The following POTEF variants were observed in gnomAD, a reference collection of about 807,000 sequenced individuals.
POTEF encodes the protein ANKRD26-like family C member 1B.
A neutral mutation model predicts 83.2 loss-of-function variants in POTEF; 20 were observed. The observed-to-expected ratio is 0.24, with a 90% CI of 0.17 to 0.35. The LOEUF is 0.35. POTEF is among the 10% of genes least tolerant of loss of function. POTEF has a pLI of 1.00. For synonymous variants in POTEF, 196 were observed against 446.4 expected, an observed-to-expected ratio of 0.44 and a Z score of 7.07; for missense variants, 550 against 1,203.2, an observed-to-expected ratio of 0.46 and a Z score of 8.03.
chr2:130,086,342 CCTCT>C lies in POTEF; in HGVS notation c.1593_1596del (p.Arg531SerfsTer2). On this transcript the variant is annotated frameshift_variant and splice_region_variant, in exon 14 of 17. Coordinates refer to ENST00000409914, the MANE Select transcript of POTEF (RefSeq NM_001099771.2). LOFTEE classifies it high-confidence loss of function. Reference sequence around the variant, plus strand: ...ACAAACGTTTGAATATAAAGGTATACCTCTCTATCACCATCCTTATTTATTTCTG... The same window carrying C: ...ACAAACGTTTGAATATAAAGGTATACCTATCACCATCCTTATTTATTTCTG... The C allele has an allele frequency of 6.4e-7, 1 of 1,564,150 alleles. No individual in the cohort carries two copies.
Position 130,108,183 on chromosome 2 carries a change from A to T in POTEF, c.1056-104T>A, listed in dbSNP as rs2599861. 102 of 1,476,826 alleles carry T rather than the reference A, an allele frequency of 6.9e-5. 1 individual carries two copies. The South Asian group carries it at 7.4e-4, about 11-fold the overall frequency. 91.5% of individuals were successfully genotyped at this position (1,476,826 alleles called of 1,614,324 possible). A position where few individuals can be genotyped will look rare whatever the true frequency, so the allele number is the denominator to read the frequency against. On this transcript the variant is annotated intron_variant, in intron 7 of 16. Transcript: ENST00000409914. ...GAGTATTTCAAACAATATCAGAATA[A>T]CAGAACTTAATAGTATTATCCCACC...
In POTEF at chr2:130,120,385, C is replaced by A. The variant is rs771238217; in HGVS notation, c.131G>T (p.Gly44Val). 3.1e-6 allele frequency: 5 copies of A among 1,612,504 alleles called. No individual in the cohort carries two copies. The highest frequency in any genetic ancestry group is 4.2e-6 in the Non-Finnish European group (5 of 1,179,418). ...CCRESGKSNV[G>V]TSGDHDDSAM... is the part of the protein sequence containing the mutation. ...AGAGTCGTCGTGGTCTCCAGAAGTGCCCACGTTGCTCTTGCCGCTCTCCCT... is the reference window on the plus strand; with the variant it reads ...AGAGTCGTCGTGGTCTCCAGAAGTGACCACGTTGCTCTTGCCGCTCTCCCT... Residue 44 changes from glycine to valine, a missense_variant, in exon 3 of 17, where the codon GGC (glycine) becomes GTC (valine). Coordinates refer to ENST00000409914, the MANE Select transcript of POTEF (RefSeq NM_001099771.2).
At chr2:130,126,050 T>C (rs976866332) in intron 2 of POTEF, among the ~76,000 whole-genome samples, 2 of 151,180 alleles carry the variant, frequency 1.3e-5, no homozygotes, top group Non-Finnish European at 2.9e-5. Context: ...ACACCTCCAA[T>C]CCCAGCACTT....
chr2:130,123,459 CTCTCA>C (rs1685035778), intron 2 of POTEF, among the ~76,000 whole-genome samples: 1 of 152,066 alleles, frequency 6.6e-6, no homozygotes, highest in African/African-American at 2.4e-5. Flanking sequence ...CAAACTCCCT[CTCTCA>C]TGAGTCACAC....
intron 5 of POTEF, among the ~76,000 whole-genome samples, chr2:130,113,485 G>A (rs1337257504): frequency 1.5e-5 from 2 of 135,906 alleles, no homozygotes; most frequent in Non-Finnish European, 3.1e-5. Context: ...TGGTTCTTAA[G>A]CAGGAGTGTA....
intron 9 of POTEF, among the ~76,000 whole-genome samples, chr2:130,101,435 G>A (rs567979318): frequency 5.2e-4 from 77 of 148,066 alleles, no homozygotes; most frequent in African/African-American, 2.0e-3. Flanking sequence ...TTGTGTTTGT[G>A]CACTAACACC....
chr2:130,114,678 C>A (rs1335694047), intron 5 of POTEF, among the ~76,000 whole-genome samples: 1 of 150,822 alleles, frequency 6.6e-6, no homozygotes, highest in Non-Finnish European at 1.5e-5. Context: ...ACCACAAGTG[C>A]ATTAAAAAAA....
chr2:130,119,254 C>T (rs1282970324), intron 3 of POTEF, among the ~76,000 whole-genome samples: 1 of 151,382 alleles, frequency 6.6e-6, no homozygotes, highest in Non-Finnish European at 1.5e-5. Context: ...AGCTCCACCT[C>T]CCGGGTTCAC....
At chr2:130,105,426 T>C (rs1464517780) in intron 8 of POTEF, among the ~76,000 whole-genome samples, 7 of 151,688 alleles carry the variant, frequency 4.6e-5, no homozygotes, top group Middle Eastern at 3.2e-3. Flanking sequence ...AAGGAAACTA[T>C]AGCTGACTAC....
chr2:130,104,376 C>T (rs543922893), intron 8 of POTEF, among the ~76,000 whole-genome samples: 2 of 145,778 alleles, frequency 1.4e-5, no homozygotes, highest in South Asian at 4.5e-4. Context: ...TCCGTAAATT[C>T]TAACTATAAT....
intron 5 of POTEF, 70 bp from the exon 6 acceptor site, chr2:130,112,171 C>G (rs1684732499): frequency 1.6e-6 from 2 of 1,262,452 alleles, no homozygotes; most frequent in African/African-American, 2.0e-5. Context: ...GAAGTGGAAA[C>G]TTTATATAAG....
intron 15 of POTEF, among the ~76,000 whole-genome samples, chr2:130,083,123 G>A (rs1249458409): frequency 2.2e-5 from 3 of 134,246 alleles, no homozygotes; most frequent in Non-Finnish European, 1.6e-5. Flanking sequence ...ATCACCTGAT[G>A]TCAGGAGTTT....
intron 6 of POTEF, among the ~76,000 whole-genome samples, chr2:130,111,594 T>C (rs1684711627): frequency 6.6e-6 from 1 of 151,520 alleles, no homozygotes; most frequent in Non-Finnish European, 1.5e-5. Flanking sequence ...TCAACCCCTA[T>C]TTATGTTTAA....
In POTEF at chr2:130,075,337, T is replaced by C. The variant is rs756991597; in HGVS notation, c.2135A>G (p.Asn712Ser). The change falls in exon 17 of 17, where the codon AAC becomes AGC. Residue 712 changes from asparagine (N) to serine (S), a missense_variant. By Grantham distance (46) the Asn-to-Ser change is conservative. Transcript: ENST00000409914. ...GCCGGCCTTGCACATGCCAGAGCCG[T>C]TGTCAATGACGAGCACAGCGGTATC... ...DDDTAVLVIDNGSGMCKAGFA... is the reference protein window; with the variant it reads ...DDDTAVLVIDSGSGMCKAGFA... 3 of 1,612,534 alleles carry C rather than the reference T, an allele frequency of 1.9e-6. No individual in the cohort carries two copies. Among genetic ancestry groups the C allele is most frequent in the Admixed American group, 1.7e-5 (1 of 59,978 alleles).
chr2:130,101,071 G>C (rs1401840258), intron 9 of POTEF, among the ~76,000 whole-genome samples: 8 of 129,930 alleles, frequency 6.2e-5, no homozygotes, highest in Admixed American at 4.9e-4. Context: ...TACCAAAAAT[G>C]AATCAGCAGA....
At chr2:130,119,199 T>C (rs1684930155) in intron 3 of POTEF, among the ~76,000 whole-genome samples, 1 of 151,490 alleles carries the variant, frequency 6.6e-6, no homozygotes, top group Non-Finnish European at 1.5e-5. Context: ...AGTCTCGCTC[T>C]GTTGCCCAGG....
intron 1 of POTEF, among the ~76,000 whole-genome samples, chr2:130,128,247 C>T (rs941711642): frequency 6.6e-6 from 1 of 150,844 alleles, no homozygotes; most frequent in Admixed American, 6.6e-5. Context: ...AGGTGGTCTC[C>T]CCAACACAGA....
chr2:130,119,903 C>A (rs1208867566), intron 3 of POTEF, 92 bp downstream of exon 3: 9 of 1,328,474 alleles, frequency 6.8e-6, no homozygotes, highest in African/African-American at 1.7e-5. Context: ...CCTGCGGAGG[C>A]GAGAAAGCCA....
rs947829045 is a variant in POTEF at position 130,114,719 on chromosome 2, G to C, written c.810+162C>G. Reference sequence around the variant, plus strand: ...TGTACCCTCTAATGCTTCTTTGAAAGTAACAATATTTAAAATGAAGTCTTA... The same window carrying C: ...TGTACCCTCTAATGCTTCTTTGAAACTAACAATATTTAAAATGAAGTCTTA... On this transcript the variant is annotated intron_variant, in intron 5 of 16. Transcript: ENST00000409914. Among the ~76,000 whole-genome samples, 120 of 151,524 alleles carry C rather than the reference G, an allele frequency of 7.9e-4. 1 individual carries two copies. The highest frequency in any genetic ancestry group is 2.8e-3 in the African/African-American group (116 of 41,122).
Sources: gnomAD v4.1 joint callset for allele counts (sites outside exome capture counted in the v4.1 genomes callset) on GRCh38, gnomAD v4.1.1 for gene constraint, MANE v1.5 for transcripts, NCBI Gene and HGNC (gene_info 2026-07-23, HGNC 2026-07-21) for gene names.